ASTN2: variants seen among roughly 807,000 people sequenced by gnomAD.
ASTN2 encodes astrotactin 2.
A neutral mutation model predicts 139.8 loss-of-function variants in ASTN2; 54 were observed. The ratio of observed to expected loss-of-function variants is 0.39; its 90% CI spans 0.31 to 0.48. The LOEUF (loss-of-function observed/expected upper bound fraction) is 0.48. Ranked by LOEUF, ASTN2 falls within the 20% of genes least tolerant of loss-of-function variation. ASTN2 has a pLI of 0.95. For missense variants in ASTN2, 1,565 were observed against 1,725.1 expected (o/e 0.91, Z 1.64); for synonymous variants, 756 against 719.5 (o/e 1.05, Z -0.81).
chr9:117,320,465 C>T (rs1426212405), intron 1 of ASTN2, among the ~76,000 whole-genome samples: 1 of 152,094 alleles, frequency 6.6e-6, no homozygotes, highest in Non-Finnish European at 1.5e-5. Flanking sequence ...ATATTTGCTG[C>T]TTAGAATCAT....
chr9:116,457,336 GA>G (rs1848362907), intron 20 of ASTN2, among the ~76,000 whole-genome samples: 1 of 151,760 alleles, frequency 6.6e-6, no homozygotes, highest in African/African-American at 2.4e-5. Context: ...GGCAACCAAA[GA>G]AAAAAATGAA....
chr9:117,211,915 A>T (rs926148040), intron 3 of ASTN2, among the ~76,000 whole-genome samples: 1 of 147,782 alleles, frequency 6.8e-6, no homozygotes, highest in Admixed American at 6.8e-5. Context: ...AGGATACAAA[A>T]AAATGAAAAG....
chr9:117,087,450 A>G lies in ASTN2; in HGVS notation c.1276+8594T>C, dbSNP rs1198368491. ...GCCATGTTGCCCAGGCTGGTCCGGAACTCCCAGGCTTAAGTAATCCACCCA... is the reference window on the plus strand; with the variant it reads ...GCCATGTTGCCCAGGCTGGTCCGGAGCTCCCAGGCTTAAGTAATCCACCCA... On this transcript the variant is annotated intron_variant, in intron 5 of 22. Transcript: ENST00000313400. Among the ~76,000 whole-genome samples the G allele has an allele frequency of 2.6e-5, 4 of 151,928 alleles. No homozygotes were observed. In the South Asian group the frequency reaches 8.3e-4, roughly 32 times the overall value.
chr9:116,532,050 T>C (rs1851376117), intron 19 of ASTN2, among the ~76,000 whole-genome samples: 1 of 152,332 alleles, frequency 6.6e-6, no homozygotes, highest in Non-Finnish European at 1.5e-5. Context: ...TTTTCAATGA[T>C]TGCCATTCTA....
rs1033668527 is a variant in ASTN2 at position 117,031,701 on chromosome 9, G to A, written c.1423+8118C>T. On this transcript the variant is annotated intron_variant, in intron 6 of 22. Coordinates refer to ENST00000313400, the MANE Select transcript of ASTN2 (RefSeq NM_001365068.1). ...GGTAAATGAGAGAAACTAGAGATGT[G>A]GGAAGAAGTTTTCAGGCAAAGAAAA... 2.0e-5 allele frequency among the ~76,000 whole-genome samples: 3 copies of A among 152,098 alleles called. No homozygotes were observed. The South Asian group carries it at 6.2e-4, about 32-fold the overall frequency.
At chr9:117,275,758 G>T (rs970012281) in intron 2 of ASTN2, among the ~76,000 whole-genome samples, 1 of 151,962 alleles carries the variant, frequency 6.6e-6, no homozygotes, top group East Asian at 1.9e-4. Context: ...TAGAGACAGG[G>T]TTTCGCCATG....
rs1320471494 is a variant in ASTN2, at chr9:116,463,010, C to G, written c.3498-20457G>C. 4.6e-5 allele frequency among the ~76,000 whole-genome samples: 7 copies of G among 152,116 alleles called. No individual in the cohort carries two copies. In the South Asian group the frequency reaches 1.2e-3, roughly 27 times the overall value. ...TCCTCCCCATCATGGTGAATGGCAGCAGCATCCATTTAGTCACTCAGTCAT... is the reference window on the plus strand; with the variant it reads ...TCCTCCCCATCATGGTGAATGGCAGGAGCATCCATTTAGTCACTCAGTCAT... On this transcript the variant is annotated intron_variant, in intron 20 of 22. Transcript: ENST00000313400.
At chr9:117,382,572 A>G (rs921376040) in intron 1 of ASTN2, among the ~76,000 whole-genome samples, 1 of 152,098 alleles carries the variant, frequency 6.6e-6, no homozygotes, top group Non-Finnish European at 1.5e-5. Flanking sequence ...AGTTCTTTGC[A>G]TCTTTGCTCT....
chr9:117,206,916 T>C (rs1214558083), intron 3 of ASTN2, among the ~76,000 whole-genome samples: 1 of 151,978 alleles, frequency 6.6e-6, no homozygotes, highest in Non-Finnish European at 1.5e-5. Context: ...TACAGATATA[T>C]CCCTGGCCTG....
chr9:117,143,471 G>A (rs10513287), intron 3 of ASTN2, among the ~76,000 whole-genome samples: 77,656 of 152,030 alleles, frequency 0.51, 20,220 homozygotes, highest in East Asian at 0.68. Flanking sequence ...TGGAATCCTC[G>A]AAGGGAATGA....
chr9:116,441,985 A>G (rs1291523613), intron 21 of ASTN2, among the ~76,000 whole-genome samples: 2 of 152,206 alleles, frequency 1.3e-5, no homozygotes, highest in East Asian at 3.8e-4. Context: ...TTCTGAGACC[A>G]CCATGGGACT....
chr9:116,982,446 T>G (rs4330756), intron 7 of ASTN2, among the ~76,000 whole-genome samples: 31,869 of 152,160 alleles, frequency 0.21, 4,102 homozygotes, highest in Admixed American at 0.33. Context: ...CAGTATGTTG[T>G]TTTAGCAGAA....
intron 20 of ASTN2, among the ~76,000 whole-genome samples, chr9:116,459,199 T>G (rs1473138361): frequency 1.3e-5 from 2 of 152,114 alleles, no homozygotes; most frequent in East Asian, 3.9e-4. Flanking sequence ...AATGGAACAC[T>G]TGGGTAGCCT....
chr9:117,308,246 AAT>A (rs1359013910), intron 1 of ASTN2, among the ~76,000 whole-genome samples: 4 of 151,926 alleles, frequency 2.6e-5, no homozygotes, highest in African/African-American at 9.7e-5. Flanking sequence ...TCAATCAATC[AAT>A]CAAACAAACA....
intron 20 of ASTN2, among the ~76,000 whole-genome samples, chr9:116,443,464 T>G (rs995988435): frequency 6.6e-6 from 1 of 152,180 alleles, no homozygotes; most frequent in Non-Finnish European, 1.5e-5. Flanking sequence ...CATGCTATAT[T>G]GATGGAAGCA....
chr9:116,716,274 G>T (rs1044450267), intron 16 of ASTN2, among the ~76,000 whole-genome samples: 1 of 152,100 alleles, frequency 6.6e-6, no homozygotes, highest in Non-Finnish European at 1.5e-5. Context: ...CAGTGCTTTA[G>T]GTAATGATGC....
chr9:117,138,565 A>G (rs1390972845), intron 4 of ASTN2, among the ~76,000 whole-genome samples: 1 of 152,202 alleles, frequency 6.6e-6, no homozygotes, highest in East Asian at 1.9e-4. Context: ...AAACTGTCAA[A>G]GGATTTTAAG....
At chr9:116,855,482 C>T (rs576402818) in intron 11 of ASTN2, among the ~76,000 whole-genome samples, 119 of 152,308 alleles carry the variant, frequency 7.8e-4, no homozygotes, top group African/African-American at 2.7e-3. Flanking sequence ...ACTGACTATT[C>T]CTATGTCCTT....
chr9:117,129,613 G>A (rs1433487291), intron 4 of ASTN2, among the ~76,000 whole-genome samples: 1 of 151,992 alleles, frequency 6.6e-6, no homozygotes, highest in Admixed American at 6.6e-5. Flanking sequence ...ATTATTAGTA[G>A]TAGTTTCTCT....
Sources: allele counts gnomAD v4.1 joint callset (sites outside exome capture counted in the v4.1 genomes callset), GRCh38; gene constraint gnomAD v4.1.1; transcripts MANE v1.5; gene names NCBI Gene and HGNC (gene_info 2026-07-23, HGNC 2026-07-21).